Variants in MCTP2 observed in about 807,000 individuals in gnomAD.
MCTP2 encodes the protein multiple C2 and transmembrane domain-containing protein 2.
Under a neutral mutation model 111.6 loss-of-function variants are expected in MCTP2, and 132 were observed. The ratio of observed to expected loss-of-function variants is 1.18; its 90% CI spans 1.03 to 1.37. The LOEUF is 1.37. MCTP2 is among the 40% of genes most tolerant of loss of function. MCTP2 has a pLI of 0.00. For missense variants in MCTP2, 1,183 were observed against 1,067.9 expected, an observed-to-expected ratio of 1.11 and a Z score of -1.50; for synonymous variants, 395 against 387.7, an observed-to-expected ratio of 1.02 and a Z score of -0.22.
chr15:94,380,767 CAA>C (rs376038646), intron 12 of MCTP2, among the ~76,000 whole-genome samples: 3 of 114,934 alleles, frequency 2.6e-5, no homozygotes, highest in Non-Finnish European at 3.7e-5. Context: ...GACTCCGTCT[CAA>C]AAAAAAAAAA....
At chr15:94,296,694 A>T (rs2075291217) in intron 1 of MCTP2, among the ~76,000 whole-genome samples, 1 of 152,230 alleles carries the variant, frequency 6.6e-6, no homozygotes, top group African/African-American at 2.4e-5. Flanking sequence ...AAACTAGGTA[A>T]TCTCGTCCCC....
At chr15:94,276,338 T>A (rs2074209803) in intron 1 of MCTP2, among the ~76,000 whole-genome samples, 2 of 152,288 alleles carry the variant, frequency 1.3e-5, no homozygotes, top group Non-Finnish European at 1.5e-5. Flanking sequence ...AATATGGAAC[T>A]TATTAAACTA....
At chr15:94,367,845 A>C in intron 11 of MCTP2, 54 bp downstream of exon 11, 1 of 1,452,660 alleles carries the variant, frequency 6.9e-7, no homozygotes, top group African/African-American at 1.5e-5. Context: ...CTCTTTTAAA[A>C]CAAAGTCTTT....
chr15:94,469,363 AGCAG>A (rs1482004343), intron 20 of MCTP2, among the ~76,000 whole-genome samples: 1 of 152,216 alleles, frequency 6.6e-6, no homozygotes, highest in Admixed American at 6.5e-5. Flanking sequence ...TGCCAGTCAA[AGCAG>A]GCAATAGATA....
At chr15:94,390,074 A>ATATGTATATATATATG (rs1555464859) in intron 14 of MCTP2, among the ~76,000 whole-genome samples, 271 of 25,812 alleles carry the variant, frequency 0.01, 7 homozygotes, top group South Asian at 0.053. Flanking sequence ...ATATATATAT[A>ATATGTATATATATATG]TATATATATA....
At chr15:94,400,840 A>G (rs1472410493) in intron 16 of MCTP2, among the ~76,000 whole-genome samples, 1 of 152,104 alleles carries the variant, frequency 6.6e-6, no homozygotes, top group Non-Finnish European at 1.5e-5. Flanking sequence ...TTTGTTTCCC[A>G]TGAACTTCTG....
intron 20 of MCTP2, among the ~76,000 whole-genome samples, chr15:94,458,786 A>C (rs2085001874): frequency 6.6e-6 from 1 of 152,236 alleles, no homozygotes; most frequent in Non-Finnish European, 1.5e-5. Flanking sequence ...CAATATTTTC[A>C]GCTTTATGGG....
chr15:94,396,664 C>T (rs1012868039), intron 14 of MCTP2, among the ~76,000 whole-genome samples: 8 of 152,062 alleles, frequency 5.3e-5, no homozygotes, highest in Non-Finnish European at 1.2e-4. Context: ...GTTCTTAACC[C>T]AAACATATTC....
intron 19 of MCTP2, among the ~76,000 whole-genome samples, chr15:94,454,819 T>C (rs1036899013): frequency 3.9e-5 from 6 of 152,104 alleles, no homozygotes; most frequent in Non-Finnish European, 2.9e-5. Flanking sequence ...AGTTATACTT[T>C]AGGTTATTTT....
chr15:94,276,020 A>G (rs2074180558), intron 1 of MCTP2, among the ~76,000 whole-genome samples: 2 of 151,900 alleles, frequency 1.3e-5, no homozygotes, highest in Admixed American at 1.3e-4. Flanking sequence ...TAATTTTTGT[A>G]TTTTTAGTAG....
intron 14 of MCTP2, among the ~76,000 whole-genome samples, chr15:94,394,501 C>T (rs945240789): frequency 6.6e-6 from 1 of 152,118 alleles, no homozygotes; most frequent in Admixed American, 6.5e-5. Context: ...TGCAGTGGCT[C>T]ACACCTGTAA....
rs191307429 is a variant in MCTP2, at chr15:94,468,789, C to T, written c.2361-1544C>T. 2.3e-3 allele frequency among the ~76,000 whole-genome samples: 353 copies of T among 152,148 alleles called. 2 individuals carry two copies. Among genetic ancestry groups the T allele is most frequent in the African/African-American group, 8.0e-3 (330 of 41,502 alleles). On this transcript the variant is annotated intron_variant, in intron 20 of 22. Transcript: ENST00000357742. ...GATTACAGGTGCACGCCACCACACC[C>T]GGCTAATTTTTGTATTTTAGTAGAG...
intron 3 of MCTP2, 32 bp downstream of exon 3, chr15:94,314,376 A>G (rs1019238252): frequency 3.4e-6 from 5 of 1,454,802 alleles, no homozygotes; most frequent in Non-Finnish European, 4.8e-6. Context: ...GAAACATTAA[A>G]TGTTGTAGAT....
At chr15:94,306,274 A>G (rs2075876574) in intron 2 of MCTP2, among the ~76,000 whole-genome samples, 1 of 152,258 alleles carries the variant, frequency 6.6e-6, no homozygotes. Flanking sequence ...AGTACCTGCC[A>G]GCCACAAGCA....
chr15:94,252,117 T>A (rs527286979), intron 1 of MCTP2, among the ~76,000 whole-genome samples: 3 of 152,236 alleles, frequency 2.0e-5, no homozygotes, highest in Non-Finnish European at 4.4e-5. Flanking sequence ...CTTTCGTTTC[T>A]TTTGGGCAGA....
At chr15:94,387,622 G>A (rs2080588711) in intron 14 of MCTP2, among the ~76,000 whole-genome samples, 2 of 152,286 alleles carry the variant, frequency 1.3e-5, no homozygotes, top group African/African-American at 4.8e-5. Context: ...TTGGTGCCAG[G>A]CAGTGCTTTA....
chr15:94,404,742 G>A (rs557890791), intron 17 of MCTP2, among the ~76,000 whole-genome samples: 18 of 151,974 alleles, frequency 1.2e-4, no homozygotes, highest in Middle Eastern at 3.4e-3. Flanking sequence ...GGCGGGGCGG[G>A]TTGCACACCT....
chr15:94,235,005 A>C (rs937152300), intron 1 of MCTP2, among the ~76,000 whole-genome samples: 1 of 152,146 alleles, frequency 6.6e-6, no homozygotes, highest in Non-Finnish European at 1.5e-5. Flanking sequence ...TAATCCCAGC[A>C]CTTTGGGAGG....
intron 12 of MCTP2, among the ~76,000 whole-genome samples, chr15:94,383,530 C>G (rs909134307): frequency 1.3e-5 from 2 of 152,168 alleles, no homozygotes; most frequent in African/African-American, 4.8e-5. Context: ...CTCACAGTTC[C>G]ACGTGGCTGG....
Sources: allele counts gnomAD v4.1 joint callset (sites outside exome capture counted in the v4.1 genomes callset), GRCh38; gene constraint gnomAD v4.1.1; transcripts MANE v1.5; gene names NCBI Gene and HGNC (gene_info 2026-07-23, HGNC 2026-07-21).